The following DCBLD2 variants were observed in gnomAD, a reference collection of about 807,000 sequenced individuals.
DCBLD2 encodes discoidin, CUB and LCCL domain containing 2, also known as discoidin, CUB and LCCL domain-containing protein 2.
In DCBLD2, 54 loss-of-function variants were observed where a neutral mutation model predicts 86.8. That is an observed-to-expected ratio of 0.62 (90% CI 0.50 to 0.78). DCBLD2 has a LOEUF of 0.78. Ranked by LOEUF, DCBLD2 falls within the 30% of genes least tolerant of loss-of-function variation. The probability of loss-of-function intolerance (pLI) is 0.00; values close to 1 mark genes in which losing one functional copy is unlikely to be tolerated. For missense variants in DCBLD2, 908 were observed against 954.2 expected (o/e 0.95, Z 0.64); for synonymous variants, 354 against 341.3 (o/e 1.04, Z -0.41).
intron 2 of DCBLD2, 81 bp downstream of exon 2, chr3:98,881,459 G>T: frequency 1.6e-6 from 2 of 1,285,496 alleles, no homozygotes; most frequent in Non-Finnish European, 2.2e-6. Flanking sequence ...ACACTGCATG[G>T]TTATTTAATG....
chr3:98,867,630 T>C (rs1479537170), intron 2 of DCBLD2, among the ~76,000 whole-genome samples: 2 of 152,104 alleles, frequency 1.3e-5, no homozygotes, highest in African/African-American at 2.4e-5. Flanking sequence ...AGAAAACTAA[T>C]AGACTTTAAA....
At position 98,797,731 on chromosome 3, in the gene DCBLD2, C is replaced by T. The variant is rs1270103760; in HGVS notation, c.*1641G>A. ...CCTGCAGAAATAAACAGTTCTCTTT[C>T]TGAAGCGATGTTTTAGAATACTGAT... On this transcript the variant is annotated 3_prime_UTR_variant, in exon 16 of 16. Transcript: ENST00000326840. 1 of 152,186 alleles carries T rather than the reference C, an allele frequency of 6.6e-6. No individual in the cohort carries two copies. The highest frequency in any genetic ancestry group is 2.4e-5 in the African/African-American group (1 of 41,440). The allele number at this position is 152,186 out of a possible 1,614,324, so 9.4% of individuals were successfully genotyped here.
At chr3:98,835,799 C>T (rs148630667) in intron 3 of DCBLD2, among the ~76,000 whole-genome samples, 26,308 of 151,810 alleles carry the variant, frequency 0.17, 2,436 homozygotes, top group African/African-American at 0.25. Flanking sequence ...ATTCACCTAC[C>T]TTGGCCTCCC....
Position 98,819,267 on chromosome 3 carries a change from G to A in DCBLD2, c.1022C>T (p.Ala341Val), listed in dbSNP as rs750919166. The A allele has an allele frequency of 6.2e-7, 1 of 1,611,572 alleles. No individual in the cohort carries two copies. Residue 341 changes from alanine (A) to valine (V), a missense_variant, in exon 8 of 16, where the codon GCT becomes GTT. This residue lies in a region of DCBLD2 where 606 missense variants were observed against 678.5 expected (regional missense o/e 0.89). Transcript: ENST00000326840. ...CTGGTATTCATCAGTGGCAAAAGCA[G>A]CCCAAGGCGGTCCAGGTTTTTTCAG... ...ARLKKPGPPW[A>V]AFATDEYQWL...
chr3:98,818,448 TAAAAA>T (rs1258190130), intron 8 of DCBLD2, among the ~76,000 whole-genome samples: 3 of 152,000 alleles, frequency 2.0e-5, no homozygotes, highest in Non-Finnish European at 4.4e-5. Flanking sequence ...AACACTACCT[TAAAAA>T]AAGAGTCTCA....
At chr3:98,863,658 A>G (rs535454258) in intron 2 of DCBLD2, among the ~76,000 whole-genome samples, 3 of 152,348 alleles carry the variant, frequency 2.0e-5, no homozygotes, top group African/African-American at 7.2e-5. Context: ...CTGGCTAGCC[A>G]TATGTAGAAA....
intron 1 of DCBLD2, among the ~76,000 whole-genome samples, chr3:98,899,260 C>CTTTTTT (rs10605926): frequency 1.5e-4 from 15 of 101,734 alleles, no homozygotes; most frequent in African/African-American, 4.7e-4. Context: ...ATTTCTTTTT[C>CTTTTTT]TTTTTTTTTT....
chr3:98,836,674 G>A (rs1398407351), intron 3 of DCBLD2, among the ~76,000 whole-genome samples: 1 of 117,896 alleles, frequency 8.5e-6, no homozygotes. Context: ...GGGGCGGCCG[G>A]GCAGAGGCGC....
At chr3:98,812,306 A>G (rs368640001) in intron 10 of DCBLD2, 26 bp downstream of exon 10, 29 of 1,610,100 alleles carry the variant, frequency 1.8e-5, no homozygotes, top group Non-Finnish European at 2.2e-5. Context: ...CAGTAAAAAC[A>G]TATCTTAAAC....
intron 2 of DCBLD2, among the ~76,000 whole-genome samples, chr3:98,857,134 G>T (rs1234189437): frequency 6.6e-6 from 1 of 152,192 alleles, no homozygotes; most frequent in East Asian, 1.9e-4. Context: ...GAGTGAAGCT[G>T]CAGACCTTCG....
Position 98,901,653 on chromosome 3 carries a change from C to T in DCBLD2, c.-327G>A, listed in dbSNP as rs368496624. ...CGCGCTCCTCACCAGGGTCGCCGCT[C>T]GCCGCGCTCACCCGCGGCTCCGGCT... On this transcript the variant is annotated 5_prime_UTR_variant, in exon 1 of 16. Coordinates refer to ENST00000326840, the MANE Select transcript of DCBLD2 (RefSeq NM_080927.4). 1.6e-3 allele frequency: 312 copies of T among 198,758 alleles called. No individual in the cohort carries two copies. Among genetic ancestry groups the T allele is most frequent in the Admixed American group, 6.4e-3 (106 of 16,486 alleles). 12.3% of individuals were successfully genotyped at this position (198,758 alleles called of 1,614,324 possible). A position where few individuals can be genotyped will look rare whatever the true frequency, so the allele number is the denominator to read the frequency against.
chr3:98,848,638 C>T (rs1942770583), intron 3 of DCBLD2, among the ~76,000 whole-genome samples: 1 of 152,104 alleles, frequency 6.6e-6, no homozygotes, highest in South Asian at 2.1e-4. Flanking sequence ...TCTGAATAAC[C>T]TTGTTTTTAA....
intron 2 of DCBLD2, among the ~76,000 whole-genome samples, chr3:98,861,195 G>C (rs370185168): frequency 1.4e-4 from 22 of 152,188 alleles, no homozygotes; most frequent in African/African-American, 4.3e-4. Flanking sequence ...TATATATGCA[G>C]CCAATACAGG....
chr3:98,870,250 A>G (rs1486380563), intron 2 of DCBLD2, among the ~76,000 whole-genome samples: 1 of 152,094 alleles, frequency 6.6e-6, no homozygotes, highest in African/African-American at 2.4e-5. Context: ...AGTTGGTTGT[A>G]GTTATTTGGC....
chr3:98,848,150 T>C (rs954129178), intron 3 of DCBLD2, among the ~76,000 whole-genome samples: 1 of 152,170 alleles, frequency 6.6e-6, no homozygotes, highest in African/African-American at 2.4e-5. Context: ...AGCCCCAGTG[T>C]GTGTTGTTCC....
rs1483870047 is a variant in DCBLD2, at chr3:98,870,726, G to GAAAGA, written c.433+10813_433+10814insTCTTT. Among the ~76,000 whole-genome samples the GAAAGA allele has an allele frequency of 5.6e-3, 443 of 78,916 alleles. 13 individuals carry two copies. Among genetic ancestry groups the GAAAGA allele is most frequent in the African/African-American group, 0.02 (410 of 20,064 alleles). 51.8% of individuals were successfully genotyped at this position (78,916 alleles called of 152,430 possible). On this transcript the variant is annotated intron_variant, in intron 2 of 15. Coordinates refer to ENST00000326840, the MANE Select transcript of DCBLD2 (RefSeq NM_080927.4). ...AGAAAAAAAGAAAGAAAAAGGAAAA[G>GAAAGA]AAAAGAAAGAAAAAGAAAGAAAGAA...
chr3:98,826,653 C>G (rs75997338), intron 3 of DCBLD2, among the ~76,000 whole-genome samples: 1 of 152,124 alleles, frequency 6.6e-6, no homozygotes, highest in Non-Finnish European at 1.5e-5. Flanking sequence ...GGCTGTTTGT[C>G]CTCACCTTTG....
chr3:98,870,735 GAAAAAGAA>G (rs1239976512), intron 2 of DCBLD2, among the ~76,000 whole-genome samples: 20 of 60,210 alleles, frequency 3.3e-4, no homozygotes, highest in African/African-American at 1.2e-3. Context: ...AGAAAAGAAA[GAAAAAGAA>G]AGAAAGAAAG....
At chr3:98,839,052 G>C (rs1942553771) in intron 3 of DCBLD2, among the ~76,000 whole-genome samples, 1 of 151,152 alleles carries the variant, frequency 6.6e-6, no homozygotes, top group African/African-American at 2.5e-5. Flanking sequence ...GAGGGAGAGG[G>C]AGCCTTGGGA....
Sources: gnomAD v4.1 joint callset for allele counts (sites outside exome capture counted in the v4.1 genomes callset) on GRCh38, gnomAD v4.1.1 for gene constraint, gnomAD v4.1.1 regional missense constraint, MANE v1.5 for transcripts, NCBI Gene and HGNC (gene_info 2026-07-23, HGNC 2026-07-21) for gene names.